TMEM62: variants seen among roughly 807,000 people sequenced by gnomAD.
TMEM62 encodes the protein transmembrane protein 62.
A neutral mutation model predicts 70.4 loss-of-function variants in TMEM62; 41 were observed. The observed-to-expected ratio is 0.58, with a 90% CI of 0.45 to 0.76. The LOEUF (loss-of-function observed/expected upper bound fraction) is 0.76, where lower values mean the gene tolerates loss of function less well. Among genes scored for constraint, TMEM62 ranks in the 30% least tolerant of loss-of-function variants. TMEM62 has a pLI of 0.00. For missense variants in TMEM62, 688 were observed against 788.5 expected (o/e 0.87, Z 1.53); for synonymous variants, 268 against 291.0 (o/e 0.92, Z 0.80).
At position 43,182,705 on chromosome 15, in the gene TMEM62, C is replaced by T. The variant is rs181771932; in HGVS notation, c.1605+1406C>T. On this transcript the variant is annotated intron_variant, in intron 13 of 13. Coordinates refer to ENST00000260403, the MANE Select transcript of TMEM62 (RefSeq NM_024956.4). ...CTGACCTCAGGTGATCCGCCCGTCT[C>T]GGCCTCCCAAAGTGCTGGGATTACA... 8.7e-3 allele frequency among the ~76,000 whole-genome samples: 1,327 copies of T among 152,190 alleles called. 9 individuals carry two copies. The highest frequency in any genetic ancestry group is 0.015 in the South Asian group (73 of 4,822).
Position 43,133,901 on chromosome 15 carries a change from G to C in TMEM62, c.99G>C (p.Ser33=), listed in dbSNP as rs1235328243. 2.0e-6 allele frequency: 3 copies of C among 1,498,150 alleles called. No individual in the cohort carries two copies. Among genetic ancestry groups the C allele is most frequent in the Non-Finnish European group, 2.7e-6 (3 of 1,131,410 alleles). The allele number at this position is 1,498,150 out of a possible 1,614,324, so 92.8% of individuals were successfully genotyped here. Residue 33 remains serine, a synonymous_variant, in exon 1 of 14, where the codon TCG becomes TCC. Transcript: ENST00000260403. Reference sequence around the variant, plus strand: ...ACTACGGCCTGGCGGGCCAGCCCTCGCCGCTGCCGCGCCCCGCGCCCCCCA... The same window carrying C: ...ACTACGGCCTGGCGGGCCAGCCCTCCCCGCTGCCGCGCCCCGCGCCCCCCA... ...LEHYGLAGQP[S]PLPRPAPPRR... is the part of the protein sequence containing the mutation.
intron 5 of TMEM62, among the ~76,000 whole-genome samples, chr15:43,147,658 A>G (rs1042794324): frequency 7.9e-5 from 12 of 152,244 alleles, no homozygotes; most frequent in Admixed American, 3.3e-4. Flanking sequence ...TGTCAAATGC[A>G]TTGTGTTACT....
At chr15:43,136,611 AT>A (rs779033478) in intron 3 of TMEM62, among the ~76,000 whole-genome samples, 417 of 139,436 alleles carry the variant, frequency 3.0e-3, no homozygotes, top group East Asian at 9.0e-3. Context: ...TGCCCAGTTA[AT>A]TTTTTTTTTT....
At position 43,149,109 on chromosome 15, in the gene TMEM62, G is replaced by A. The variant is rs752688859; in HGVS notation, c.824G>A (p.Gly275Asp). 1 of 1,613,986 alleles carries A rather than the reference G, an allele frequency of 6.2e-7. No homozygotes were observed. Among genetic ancestry groups the A allele is most frequent in the East Asian group, 2.2e-5 (1 of 44,888 alleles). ...MPVLHTRHFQ[G>D]TLELEVGDWK... is the part of the protein sequence containing the mutation. ...GTTTTGCACACTCGTCACTTCCAGGGCACTTTGGAACTTGAGGTGGGAGAC... is the reference window on the plus strand; with the variant it reads ...GTTTTGCACACTCGTCACTTCCAGGACACTTTGGAACTTGAGGTGGGAGAC... The change falls in exon 7 of 14, where the codon GGC becomes GAC. Residue 275 changes from glycine to aspartate, a missense_variant. Gly to Asp is a moderately conservative substitution (Grantham distance 94). Transcript: ENST00000260403.
intron 4 of TMEM62, among the ~76,000 whole-genome samples, chr15:43,141,519 A>C (rs1483654972): frequency 6.6e-6 from 1 of 152,226 alleles, no homozygotes; most frequent in Non-Finnish European, 1.5e-5. Context: ...GTCACGCAAG[A>C]GCTCTGAGGA....
intron 11 of TMEM62, 105 bp downstream of exon 11, chr15:43,169,782 G>A: frequency 1.1e-6 from 1 of 920,294 alleles, no homozygotes; most frequent in Non-Finnish European, 1.6e-6. Flanking sequence ...GAATGACCAT[G>A]GCCCAGGGAA....
At chr15:43,181,589 C>T (rs2041332636) in intron 13 of TMEM62, among the ~76,000 whole-genome samples, 1 of 152,226 alleles carries the variant, frequency 6.6e-6, no homozygotes, top group African/African-American at 2.4e-5. Flanking sequence ...GCAGCCTCCA[C>T]CTCTTGGGTT....
chr15:43,140,714 A>G (rs533337663), intron 4 of TMEM62, among the ~76,000 whole-genome samples: 4 of 152,220 alleles, frequency 2.6e-5, no homozygotes, highest in Non-Finnish European at 5.9e-5. Context: ...GCCCAATCTC[A>G]GTCTGATAGA....
chr15:43,146,682 G>A, intron 5 of TMEM62, 48 bp downstream of exon 5: 1 of 1,476,186 alleles, frequency 6.8e-7, no homozygotes, highest in Non-Finnish European at 9.2e-7. Flanking sequence ...ATTTTTTCAT[G>A]GATACGTGTG....
chr15:43,184,453 T>C lies in TMEM62; in HGVS notation c.1799T>C (p.Leu600Pro), dbSNP rs1238153296. The change falls in exon 14 of 14, where the codon CTA (leucine) becomes CCA (proline). Residue 600 changes from leucine (L) to proline (P), a missense_variant. By Grantham distance (98) the Leu-to-Pro change is moderately conservative (BLOSUM62 -3). Transcript: ENST00000260403. Reference protein sequence around the residue: ...CYFLYATYGTLAFLFSPLRTW... With the variant: ...CYFLYATYGTPAFLFSPLRTW... ...TTTCTTTATGCAACATACGGCACCC[T>C]AGCTTTTTTATTCTCCCCTTTGCGG... The C allele has an allele frequency of 6.2e-7, 1 of 1,614,234 alleles. No homozygotes were observed. Among genetic ancestry groups the C allele is most frequent in the Admixed American group, 1.7e-5 (1 of 60,028 alleles).
intron 8 of TMEM62, among the ~76,000 whole-genome samples, chr15:43,153,278 A>C (rs891593994): frequency 6.6e-6 from 1 of 152,160 alleles, no homozygotes; most frequent in East Asian, 1.9e-4. Flanking sequence ...CAAAGTACAC[A>C]TGGCATAAAA....
rs1484209008 is a variant in TMEM62, at chr15:43,133,947, G to A, written c.145G>A (p.Gly49Arg). The change falls in exon 1 of 14, where the codon GGG (glycine) becomes AGG (arginine). Residue 49 changes from glycine to arginine, a missense_variant. Physicochemically the swap from Gly to Arg is moderately radical, Grantham distance 125. Coordinates refer to ENST00000260403, the MANE Select transcript of TMEM62 (RefSeq NM_024956.4). ...APPRRPHPAPGPGDSNIFWGL... is the reference protein window; with the variant it reads ...APPRRPHPAPRPGDSNIFWGL... Reference sequence around the variant, plus strand: ...CCCCAGGAGGCCGCACCCTGCGCCAGGGCCCGGAGACAGCAACATCTTCTG... The same window carrying A: ...CCCCAGGAGGCCGCACCCTGCGCCAAGGCCCGGAGACAGCAACATCTTCTG... 2.0e-6 allele frequency: 3 copies of A among 1,466,336 alleles called. No individual in the cohort carries two copies. Among genetic ancestry groups the A allele is most frequent in the African/African-American group, 2.9e-5 (2 of 68,516 alleles). 90.8% of individuals were successfully genotyped at this position (1,466,336 alleles called of 1,614,324 possible).
At chr15:43,166,020 A>C (rs2039373125) in intron 10 of TMEM62, among the ~76,000 whole-genome samples, 1 of 152,148 alleles carries the variant, frequency 6.6e-6, no homozygotes, top group Non-Finnish European at 1.5e-5. Flanking sequence ...TATTTATTCT[A>C]ATCTTTGTAG....
chr15:43,165,175 T>C (rs989044625), intron 10 of TMEM62, among the ~76,000 whole-genome samples: 5 of 152,158 alleles, frequency 3.3e-5, no homozygotes, highest in Non-Finnish European at 5.9e-5. Flanking sequence ...CTGTACCTCC[T>C]CTTTAAGGCC....
Position 43,151,921 on chromosome 15 carries a change from G to A in TMEM62, c.998G>A (p.Arg333Lys). Residue 333 changes from arginine to lysine, a missense_variant, in exon 8 of 14, where the codon AGA (arginine) becomes AAA (lysine). By Grantham distance (26) the Arg-to-Lys change is conservative (BLOSUM62 2). Coordinates refer to ENST00000260403, the MANE Select transcript of TMEM62 (RefSeq NM_024956.4). ...TGTGGTGAACATGAACCACTAGAAAGACTTCTTCACTCAACACACATCAGG... is the reference window on the plus strand; with the variant it reads ...TGTGGTGAACATGAACCACTAGAAAAACTTCTTCACTCAACACACATCAGG... ...YSCGEHEPLERLLHSTHIRVL... is the reference protein window; with the variant it reads ...YSCGEHEPLEKLLHSTHIRVL... The A allele has an allele frequency of 1.2e-6, 2 of 1,612,420 alleles. No homozygotes were observed.
intron 10 of TMEM62, among the ~76,000 whole-genome samples, chr15:43,168,157 G>C (rs1310896378): frequency 1.0e-5 from 1 of 99,704 alleles, no homozygotes; most frequent in Non-Finnish European, 2.1e-5. Flanking sequence ...GAGGGAGAGG[G>C]AGAGGGAGAG....
intron 13 of TMEM62, among the ~76,000 whole-genome samples, chr15:43,183,270 C>T (rs940233339): frequency 1.3e-5 from 2 of 152,206 alleles, no homozygotes; most frequent in African/African-American, 4.8e-5. Context: ...GTAATTATTT[C>T]TTGCCTGGGT....
intron 3 of TMEM62, 122 bp downstream of exon 3, chr15:43,135,771 T>G (rs569266730): frequency 9.8e-6 from 11 of 1,127,250 alleles, no homozygotes; most frequent in Non-Finnish European, 1.3e-5. Flanking sequence ...AAAGGTCACA[T>G]CTCTGAAATA....
At chr15:43,157,793 C>A (rs1442235925) in intron 9 of TMEM62, among the ~76,000 whole-genome samples, 3 of 152,146 alleles carry the variant, frequency 2.0e-5, no homozygotes, top group Non-Finnish European at 4.4e-5. Flanking sequence ...AACAGTAGTT[C>A]CGTAATATCG....
Sources: allele counts gnomAD v4.1 joint callset (sites outside exome capture counted in the v4.1 genomes callset), GRCh38; gene constraint gnomAD v4.1.1; transcripts MANE v1.5; gene names NCBI Gene and HGNC (gene_info 2026-07-23, HGNC 2026-07-21).